CFAP299: variants seen among roughly 807,000 people sequenced by gnomAD.
CFAP299 encodes the protein cilia- and flagella-associated protein 299.
CFAP299 carries 21 observed loss-of-function variants against 27.0 expected under a neutral mutation model. The ratio of observed to expected loss-of-function variants is 0.78; its 90% CI spans 0.55 to 1.12. The LOEUF is 1.12. Ranked by LOEUF, CFAP299 falls within the 50% of genes most tolerant of loss-of-function variation. CFAP299 has a pLI of 0.00. For synonymous variants in CFAP299, 104 were observed against 98.1 expected (o/e 1.06, Z -0.36); for missense variants, 310 against 276.6 (o/e 1.12, Z -0.86).
intron 3 of CFAP299, among the ~76,000 whole-genome samples, chr4:80,673,200 G>A (rs182439343): frequency 6.6e-4 from 100 of 152,140 alleles, no homozygotes; most frequent in African/African-American, 2.4e-3. Context: ...AGAGATTCTG[G>A]TACAGTGTGT....
chr4:80,369,161 T>G (rs2110006656), intron 2 of CFAP299, among the ~76,000 whole-genome samples: 1 of 152,294 alleles, frequency 6.6e-6, no homozygotes, highest in East Asian at 1.9e-4. Flanking sequence ...TTGAAAGGGT[T>G]AAAAGCTGGA....
intron 3 of CFAP299, among the ~76,000 whole-genome samples, chr4:80,836,478 G>A (rs929929426): frequency 1.3e-5 from 2 of 152,070 alleles, no homozygotes; most frequent in African/African-American, 4.8e-5. Flanking sequence ...ACATTCTTTG[G>A]TTCATGGCCC....
chr4:80,390,537 G>GTATATATGTATA (rs1343656836), intron 2 of CFAP299, among the ~76,000 whole-genome samples: 1 of 39,510 alleles, frequency 2.5e-5, no homozygotes, highest in Non-Finnish European at 9.6e-5. Context: ...ATGTATATAT[G>GTATATATGTATA]TATACACACA....
intron 2 of CFAP299, among the ~76,000 whole-genome samples, chr4:80,370,736 C>A (rs1219831269): frequency 1.3e-5 from 2 of 152,254 alleles, no homozygotes; most frequent in Non-Finnish European, 1.5e-5. Flanking sequence ...AGGCCTTGAG[C>A]AGCTCCACCC....
chr4:80,620,732 T>C (rs1447294273), intron 3 of CFAP299, among the ~76,000 whole-genome samples: 1 of 152,090 alleles, frequency 6.6e-6, no homozygotes, highest in Non-Finnish European at 1.5e-5. Flanking sequence ...TTAAATTTGT[T>C]CCCTACAGAA....
intron 2 of CFAP299, among the ~76,000 whole-genome samples, chr4:80,542,437 G>A (rs1734043952): frequency 6.6e-6 from 1 of 152,124 alleles, no homozygotes; most frequent in Admixed American, 6.5e-5. Flanking sequence ...CACTGAGAGA[G>A]GTTAGATAAA....
At chr4:80,401,700 G>A (rs1726169470) in intron 2 of CFAP299, among the ~76,000 whole-genome samples, 1 of 152,218 alleles carries the variant, frequency 6.6e-6, no homozygotes, top group Non-Finnish European at 1.5e-5. Context: ...TCCCCAAGCA[G>A]AGTCCCTACT....
Position 80,558,350 on chromosome 4 carries a change from G to GTTTTTTTTTTTTTTTT in CFAP299, c.243-24740_243-24739insTTTTTTTTTTTTTTTT, listed in dbSNP as rs1352651407. ...GAAGACTTTTGTGGTTTTTTTGTTT[G>GTTTTTTTTTTTTTTTT]TTTGTTTGTTTGTTTGTTTTTTTTT... On this transcript the variant is annotated intron_variant, in intron 2 of 5. Transcript: ENST00000358105. 1.9e-3 allele frequency among the ~76,000 whole-genome samples: 252 copies of GTTTTTTTTTTTTTTTT among 132,152 alleles called. 7 individuals carry two copies. The highest frequency in any genetic ancestry group is 6.8e-3 in the African/African-American group (225 of 33,006). 86.7% of individuals were successfully genotyped at this position (132,152 alleles called of 152,430 possible).
chr4:80,645,921 A>G (rs1739986576), intron 3 of CFAP299, among the ~76,000 whole-genome samples: 1 of 152,210 alleles, frequency 6.6e-6, no homozygotes, highest in Non-Finnish European at 1.5e-5. Flanking sequence ...ATTTTTGTCT[A>G]AACAAAGTTC....
At chr4:80,519,908 T>C (rs1251959121) in intron 2 of CFAP299, among the ~76,000 whole-genome samples, 2 of 152,108 alleles carry the variant, frequency 1.3e-5, no homozygotes, top group East Asian at 3.9e-4. Context: ...ATAGCTGCAG[T>C]CTCATTTGGA....
chr4:80,470,163 G>A (rs1729923214), intron 2 of CFAP299, among the ~76,000 whole-genome samples: 1 of 152,016 alleles, frequency 6.6e-6, no homozygotes, highest in Non-Finnish European at 1.5e-5. Context: ...CCAAGAATCA[G>A]CCTCTGCCAC....
At chr4:80,794,614 G>C (rs750113955) in intron 3 of CFAP299, among the ~76,000 whole-genome samples, 14 of 152,178 alleles carry the variant, frequency 9.2e-5, no homozygotes, top group Non-Finnish European at 1.8e-4. Context: ...CCATGAGCAT[G>C]AGCCCACTGC....
chr4:80,713,283 C>A (rs1414849999), intron 3 of CFAP299, among the ~76,000 whole-genome samples: 1 of 152,096 alleles, frequency 6.6e-6, no homozygotes, highest in Non-Finnish European at 1.5e-5. Context: ...CCAATTGAAC[C>A]CATGTAGGAG....
At chr4:80,444,930 C>G (rs1193585543) in intron 2 of CFAP299, among the ~76,000 whole-genome samples, 2 of 152,182 alleles carry the variant, frequency 1.3e-5, no homozygotes, top group African/African-American at 2.4e-5. Context: ...AAAAGCTCAT[C>G]ATCATTGGTC....
At chr4:80,742,911 C>G (rs1323285181) in intron 3 of CFAP299, among the ~76,000 whole-genome samples, 1 of 152,092 alleles carries the variant, frequency 6.6e-6, no homozygotes, top group Non-Finnish European at 1.5e-5. Flanking sequence ...TTAGATCTTA[C>G]AGTAAATGCA....
At chr4:80,390,638 C>CATATGT (rs1725327525) in intron 2 of CFAP299, among the ~76,000 whole-genome samples, 1 of 128,720 alleles carries the variant, frequency 7.8e-6, no homozygotes, top group Admixed American at 7.9e-5. Context: ...TATGTATACA[C>CATATGT]ATATATGTAT....
chr4:80,855,392 CTTTT>C (rs1463528259), intron 3 of CFAP299, among the ~76,000 whole-genome samples: 4 of 151,458 alleles, frequency 2.6e-5, no homozygotes, highest in Non-Finnish European at 5.9e-5. Flanking sequence ...ATCTTATTTT[CTTTT>C]TATTTATTTA....
intron 2 of CFAP299, among the ~76,000 whole-genome samples, chr4:80,381,096 A>G (rs1166949199): frequency 1.3e-5 from 2 of 152,182 alleles, no homozygotes; most frequent in Non-Finnish European, 2.9e-5. Flanking sequence ...TCAGATGTTC[A>G]AGCATGTCTG....
At chr4:80,799,841 AT>A (rs1728258635) in intron 3 of CFAP299, among the ~76,000 whole-genome samples, 7 of 28,412 alleles carry the variant, frequency 2.5e-4, no homozygotes, top group Admixed American at 6.5e-4. Flanking sequence ...TATATATTAT[AT>A]TATATAATAT....
Sources: gnomAD v4.1 joint callset for allele counts (sites outside exome capture counted in the v4.1 genomes callset) on GRCh38, gnomAD v4.1.1 for gene constraint, MANE v1.5 for transcripts, NCBI Gene and HGNC (gene_info 2026-07-23, HGNC 2026-07-21) for gene names.